Variants in TENM3 observed in about 807,000 individuals in gnomAD.
TENM3 encodes the protein teneurin transmembrane protein 3.
In TENM3, 63 loss-of-function variants were observed where a neutral mutation model predicts 255.1. The observed-to-expected ratio is 0.25, with a 90% CI of 0.20 to 0.30. The LOEUF (loss-of-function observed/expected upper bound fraction) is 0.30, where lower values mean the gene tolerates loss of function less well. Ranked by LOEUF, TENM3 falls within the 10% of genes least tolerant of loss-of-function variation. The pLI is 1.00. For synonymous variants in TENM3, 1,306 were observed against 1,322.3 expected, an observed-to-expected ratio of 0.99 and a Z score of 0.27; for missense variants, 2,929 against 3,461.1, an observed-to-expected ratio of 0.85 and a Z score of 3.86.
At chr4:182,716,283 A>G (rs777563324) in intron 13 of TENM3, among the ~76,000 whole-genome samples, 5 of 152,250 alleles carry the variant, frequency 3.3e-5, no homozygotes, top group Non-Finnish European at 7.3e-5. Context: ...CTGCAGAGAC[A>G]CTGCCGAGTA....
intron 1 of TENM3, among the ~76,000 whole-genome samples, chr4:182,146,749 C>T (rs1749996554): frequency 6.6e-6 from 1 of 152,156 alleles, no homozygotes; most frequent in Non-Finnish European, 1.5e-5. Context: ...CTGTGAACCC[C>T]CTGTGCCAAT....
At chr4:181,870,451 C>T in the TENM3 span, among the ~76,000 whole-genome samples, 5 of 152,046 alleles carry the variant, frequency 3.3e-5, no homozygotes, top group Admixed American at 6.6e-5. Flanking sequence ...CCATTTGTCC[C>T]AAATAACAAT....
intron 3 of TENM3, among the ~76,000 whole-genome samples, chr4:182,564,121 T>C (rs1743509049): frequency 6.6e-6 from 1 of 152,102 alleles, no homozygotes; most frequent in East Asian, 1.9e-4. Context: ...TTCAAGAGGA[T>C]CCCTGGCATA....
At chr4:182,628,094 A>C (rs2152468539) in intron 4 of TENM3, among the ~76,000 whole-genome samples, 1 of 152,278 alleles carries the variant, frequency 6.6e-6, no homozygotes, top group African/African-American at 2.4e-5. Flanking sequence ...GCTGCCTGTA[A>C]CCGAACTTGT....
chr4:181,480,354 T>A, the TENM3 span, among the ~76,000 whole-genome samples: 1 of 152,108 alleles, frequency 6.6e-6, no homozygotes, highest in African/African-American at 2.4e-5. Flanking sequence ...GAAAATGTGT[T>A]GTAAAAAACT....
chr4:182,768,671 C>G (rs540969772), intron 22 of TENM3, among the ~76,000 whole-genome samples: 1 of 152,082 alleles, frequency 6.6e-6, no homozygotes, highest in Non-Finnish European at 1.5e-5. Context: ...AGGCATTTGT[C>G]GATAATCCCA....
Position 182,719,679 on chromosome 4 carries a change from A to G in TENM3, c.2368+5446A>G, listed in dbSNP as rs535254609. ...TGATTACAGTTGAGAAGAAAGCACA[A>G]GTCAACTGAGGTTATTCAGAAATAA... On this transcript the variant is annotated intron_variant, in intron 13 of 27. Coordinates refer to ENST00000511685, the MANE Select transcript of TENM3 (RefSeq NM_001080477.4). 2.6e-5 allele frequency among the ~76,000 whole-genome samples: 4 copies of G among 152,294 alleles called. No individual in the cohort carries two copies. The East Asian group carries it at 7.7e-4, about 29-fold the overall frequency.
chr4:182,228,600 G>T (rs1756354532), intron 1 of TENM3, among the ~76,000 whole-genome samples: 1 of 151,964 alleles, frequency 6.6e-6, no homozygotes, highest in Admixed American at 6.6e-5. Context: ...GCTAATTGGT[G>T]TCTTACATAG....
intron 1 of TENM3, among the ~76,000 whole-genome samples, chr4:182,150,957 C>G (rs1750295808): frequency 6.6e-6 from 1 of 152,038 alleles, no homozygotes; most frequent in South Asian, 2.1e-4. Context: ...AACAGAAAAG[C>G]TACTTTTTTA....
intron 3 of TENM3, among the ~76,000 whole-genome samples, chr4:182,424,625 T>C (rs961547813): frequency 2.6e-5 from 4 of 152,168 alleles, no homozygotes; most frequent in Non-Finnish European, 4.4e-5. Context: ...AAATAATGCA[T>C]GGACAAAATC....
the TENM3 span, among the ~76,000 whole-genome samples, chr4:182,050,304 A>G: frequency 4.6e-5 from 7 of 152,172 alleles, no homozygotes; most frequent in Admixed American, 1.3e-4. Flanking sequence ...AAAAATATGT[A>G]TTTCTTTAAT....
At chr4:182,372,492 C>A (rs1010258211) in intron 3 of TENM3, among the ~76,000 whole-genome samples, 4 of 152,066 alleles carry the variant, frequency 2.6e-5, no homozygotes, top group African/African-American at 9.7e-5. Context: ...CATAGTTCTT[C>A]TGGAAAATAT....
At chr4:181,893,860 A>AT in the TENM3 span, among the ~76,000 whole-genome samples, 2 of 152,058 alleles carry the variant, frequency 1.3e-5, no homozygotes, top group Non-Finnish European at 2.9e-5. Flanking sequence ...ATAATTTGTA[A>AT]TTTTTTCTAT....
At chr4:182,657,538 G>A (rs901354308) in intron 6 of TENM3, among the ~76,000 whole-genome samples, 7 of 152,130 alleles carry the variant, frequency 4.6e-5, no homozygotes, top group African/African-American at 1.7e-4. Context: ...ATACCATCCA[G>A]TCAACATTTG....
the TENM3 span, among the ~76,000 whole-genome samples, chr4:182,094,637 G>A: frequency 6.6e-6 from 1 of 152,176 alleles, no homozygotes; most frequent in Non-Finnish European, 1.5e-5. Flanking sequence ...ACAATGTTAT[G>A]ATAAGATGAG....
At chr4:182,094,771 T>A in the TENM3 span, among the ~76,000 whole-genome samples, 1 of 151,998 alleles carries the variant, frequency 6.6e-6, no homozygotes, top group Non-Finnish European at 1.5e-5. Context: ...AATGACATAA[T>A]AGTTGAAAGA....
chr4:182,614,231 T>G (rs1469826544), intron 4 of TENM3, among the ~76,000 whole-genome samples: 1 of 152,194 alleles, frequency 6.6e-6, no homozygotes, highest in Non-Finnish European at 1.5e-5. Context: ...ATCTAAAATA[T>G]TTTCTTTTTA....
the TENM3 span, among the ~76,000 whole-genome samples, chr4:181,479,460 A>T: frequency 6.6e-6 from 1 of 152,180 alleles, no homozygotes; most frequent in Non-Finnish European, 1.5e-5. Context: ...CCTTTATTTT[A>T]ATAAAGTTAA....
intron 4 of TENM3, among the ~76,000 whole-genome samples, chr4:182,619,268 A>T (rs1749860792): frequency 2.0e-5 from 3 of 150,908 alleles, no homozygotes; most frequent in Admixed American, 1.3e-4. Flanking sequence ...TCTACTAAAA[A>T]TAATTAAAAA....
Sources: allele counts gnomAD v4.1 joint callset (sites outside exome capture counted in the v4.1 genomes callset), GRCh38; gene constraint gnomAD v4.1.1; transcripts MANE v1.5; gene names NCBI Gene and HGNC (gene_info 2026-07-23, HGNC 2026-07-21).